CSMD1: variants seen among roughly 807,000 people sequenced by gnomAD.
The protein encoded by CSMD1 is CUB and Sushi multiple domains 1.
Under a neutral mutation model 417.5 loss-of-function variants are expected in CSMD1, and 213 were observed. The observed-to-expected ratio is 0.51, with a 90% CI of 0.46 to 0.57. The LOEUF is 0.57. CSMD1 is among the 20% of genes least tolerant of loss of function. The probability of loss-of-function intolerance (pLI) is 0.00; values close to 1 mark genes in which losing one functional copy is unlikely to be tolerated. For missense variants in CSMD1, 6,923 were observed against 4,529.7 expected (o/e 1.53, Z -15.17); for synonymous variants, 2,862 against 1,736.8 (o/e 1.65, Z -16.11).
chr8:4,075,701 A>G (rs569223339), intron 3 of CSMD1, among the ~76,000 whole-genome samples: 1 of 152,326 alleles, frequency 6.6e-6, no homozygotes, highest in Non-Finnish European at 1.5e-5. Flanking sequence ...TTATAGATAT[A>G]AAATTGTCAA....
chr8:4,090,099 C>G (rs895021885), intron 3 of CSMD1, among the ~76,000 whole-genome samples: 1 of 152,116 alleles, frequency 6.6e-6, no homozygotes, highest in African/African-American at 2.4e-5. Context: ...TTAAATACAC[C>G]TTTTGCTATG....
chr8:3,255,875 T>A (rs1285433444), intron 26 of CSMD1, among the ~76,000 whole-genome samples: 2 of 152,172 alleles, frequency 1.3e-5, no homozygotes. Flanking sequence ...CCCACTGTCC[T>A]GCACCCACTT....
intron 69 of CSMD1, 125 bp downstream of exon 69, chr8:2,942,347 A>G (rs961519989): frequency 2.5e-5 from 23 of 913,688 alleles, no homozygotes; most frequent in Non-Finnish European, 3.6e-5. Context: ...TGATTTAAAA[A>G]AAAAAAAAGA....
At chr8:3,079,366 T>G (rs1432774446) in intron 49 of CSMD1, among the ~76,000 whole-genome samples, 5 of 152,200 alleles carry the variant, frequency 3.3e-5, no homozygotes, top group African/African-American at 1.2e-4. Flanking sequence ...TCATAGCATG[T>G]GATTTGACAT....
At chr8:3,770,130 G>A (rs1403800349) in intron 5 of CSMD1, among the ~76,000 whole-genome samples, 3 of 152,208 alleles carry the variant, frequency 2.0e-5, no homozygotes, top group Non-Finnish European at 4.4e-5. Flanking sequence ...TCTCCAGCAG[G>A]AGACTAAAGG....
intron 26 of CSMD1, among the ~76,000 whole-genome samples, chr8:3,263,387 C>G (rs1446476816): frequency 6.6e-6 from 1 of 152,222 alleles, no homozygotes; most frequent in African/African-American, 2.4e-5. Context: ...GCATGAGCCA[C>G]CGTGCCAGGC....
rs138689865 is a variant in CSMD1 at position 4,521,588 on chromosome 8, A to T, written c.303-101523T>A. On this transcript the variant is annotated intron_variant, in intron 2 of 69. Transcript: ENST00000635120. ...GTAATGCTTTTTATTTCATTGATGG[A>T]TACAAAAATAAAGAGACAAAAATAA... Among the ~76,000 whole-genome samples, 148 of 152,302 alleles carry T rather than the reference A, an allele frequency of 9.7e-4. 1 individual carries two copies. Among genetic ancestry groups the T allele is most frequent in the African/African-American group, 3.4e-3 (140 of 41,576 alleles).
chr8:3,611,312 C>A (rs1400449216), intron 8 of CSMD1, among the ~76,000 whole-genome samples: 1 of 151,784 alleles, frequency 6.6e-6, no homozygotes, highest in East Asian at 1.9e-4. Flanking sequence ...AATCATAACA[C>A]TTGAATACGT....
chr8:3,790,198 A>G (rs1213037049), intron 5 of CSMD1, among the ~76,000 whole-genome samples: 1 of 152,212 alleles, frequency 6.6e-6, no homozygotes, highest in Non-Finnish European at 1.5e-5. Flanking sequence ...TTTTGCATCT[A>G]GTGAATCAGT....
chr8:4,039,174 G>A (rs763868497), intron 3 of CSMD1, among the ~76,000 whole-genome samples: 39 of 152,158 alleles, frequency 2.6e-4, no homozygotes, highest in Admixed American at 1.1e-3. Flanking sequence ...AATTTCATGA[G>A]GTGGATTCAT....
At chr8:3,871,147 C>A (rs750162940) in intron 5 of CSMD1, among the ~76,000 whole-genome samples, 1 of 152,036 alleles carries the variant, frequency 6.6e-6, no homozygotes, top group Non-Finnish European at 1.5e-5. Context: ...AGTAATACCT[C>A]ACTCATCATA....
chr8:4,310,106 C>G (rs147252949), intron 3 of CSMD1, among the ~76,000 whole-genome samples: 1 of 152,164 alleles, frequency 6.6e-6, no homozygotes, highest in African/African-American at 2.4e-5. Flanking sequence ...CAGAGATTCA[C>G]TTATCTCCCA....
At position 3,221,521 on chromosome 8, in the gene CSMD1, G is replaced by C. The variant is rs913941383; in HGVS notation, c.4485-2079C>G. 2.2e-5 allele frequency among the ~76,000 whole-genome samples: 3 copies of C among 136,030 alleles called. No individual in the cohort carries two copies. In the Admixed American group the frequency reaches 2.3e-4, roughly 11 times the overall value. 89.2% of individuals were successfully genotyped at this position (136,030 alleles called of 152,430 possible). A position where few individuals can be genotyped will look rare whatever the true frequency, so the allele number is the denominator to read the frequency against. Reference sequence around the variant, plus strand: ...TTATGCAATACTGCAAATACTGCCAGACACAGGAAAACAAACAAACAAACA... The same window carrying C: ...TTATGCAATACTGCAAATACTGCCACACACAGGAAAACAAACAAACAAACA... On this transcript the variant is annotated intron_variant, in intron 28 of 69. Transcript: ENST00000635120.
chr8:4,456,007 C>T (rs1407430783), intron 2 of CSMD1, among the ~76,000 whole-genome samples: 2 of 118,054 alleles, frequency 1.7e-5, no homozygotes, highest in South Asian at 3.0e-4. Flanking sequence ...TGCTTATCTT[C>T]TCCTTAACAC....
chr8:3,954,997 G>A (rs894483554), intron 5 of CSMD1, among the ~76,000 whole-genome samples: 3 of 152,148 alleles, frequency 2.0e-5, no homozygotes, highest in Admixed American at 6.5e-5. Flanking sequence ...AATAAGTGTG[G>A]ACCATCAGGA....
At chr8:4,238,694 C>G (rs1447439648) in intron 3 of CSMD1, among the ~76,000 whole-genome samples, 1 of 152,148 alleles carries the variant, frequency 6.6e-6, no homozygotes, top group South Asian at 2.1e-4. Flanking sequence ...CCCTCAATAC[C>G]TGTTAGCTGT....
chr8:3,718,161 C>G lies in CSMD1; in HGVS notation c.932-9670G>C, dbSNP rs143533747. 2.2e-3 allele frequency among the ~76,000 whole-genome samples: 334 copies of G among 152,262 alleles called. 1 individual carries two copies. Among genetic ancestry groups the G allele is most frequent in the African/African-American group, 7.8e-3 (322 of 41,538 alleles). On this transcript the variant is annotated intron_variant, in intron 6 of 69. Coordinates refer to ENST00000635120, the MANE Select transcript of CSMD1 (RefSeq NM_033225.6). ...GATAAATCTATTATTGTCTCATGGT[C>G]TGTACATTACGAGAAGCGAGTTGTT...
intron 3 of CSMD1, among the ~76,000 whole-genome samples, chr8:4,379,466 G>A (rs763483371): frequency 6.6e-6 from 1 of 152,182 alleles, no homozygotes; most frequent in East Asian, 1.9e-4. Context: ...CAACATTAAT[G>A]TCTTCAGTTT....
At chr8:4,042,630 A>T (rs2130643790) in intron 3 of CSMD1, among the ~76,000 whole-genome samples, 1 of 151,964 alleles carries the variant, frequency 6.6e-6, no homozygotes, top group South Asian at 2.1e-4. Flanking sequence ...ATTATAAAAT[A>T]TATTTTATTT....
Sources: allele counts gnomAD v4.1 joint callset (sites outside exome capture counted in the v4.1 genomes callset), GRCh38; gene constraint gnomAD v4.1.1; transcripts MANE v1.5; gene names NCBI Gene and HGNC (gene_info 2026-07-23, HGNC 2026-07-21).